The following CRYGD variants were observed in gnomAD, a reference collection of about 807,000 sequenced individuals.
CRYGD encodes the protein gamma-crystallin D.
CRYGD carries 13 observed loss-of-function variants against 11.3 expected under a neutral mutation model. The observed-to-expected ratio is 1.15, with a 90% CI of 0.75 to 1.83. CRYGD has a LOEUF of 1.83. Among genes scored for constraint, CRYGD ranks in the 40% most tolerant of loss-of-function variants. CRYGD has a pLI of 0.00. For synonymous variants in CRYGD, 77 were observed against 89.5 expected, an observed-to-expected ratio of 0.86 and a Z score of 0.79; for missense variants, 231 against 229.9, an observed-to-expected ratio of 1.00 and a Z score of -0.03.
At position 208,121,797 on chromosome 2, in the gene CRYGD, T is replaced by A; in HGVS notation, c.401A>T (p.Tyr134Phe). Residue 134 changes from tyrosine (Y) to phenylalanine (F), a missense_variant, in exon 3 of 3, where the codon TAC becomes TTC. Transcript: ENST00000264376. ...CCGTCCTCGGTAGTTGGACAGCTCGTAGAGGACCCAGGAGCCCTCCAGCAC... is the reference window on the plus strand; with the variant it reads ...CCGTCCTCGGTAGTTGGACAGCTCGAAGAGGACCCAGGAGCCCTCCAGCAC... ...LNVLEGSWVLYELSNYRGRQY... is the reference protein window; with the variant it reads ...LNVLEGSWVLFELSNYRGRQY... The A allele has an allele frequency of 6.2e-7, 1 of 1,614,156 alleles. No individual in the cohort carries two copies. The highest frequency in any genetic ancestry group is 8.5e-7 in the Non-Finnish European group (1 of 1,180,026).
At chr2:208,123,981 A>C (rs1694922852) in intron 2 of CRYGD, 131 bp downstream of exon 2, 1 of 1,361,872 alleles carries the variant, frequency 7.3e-7, no homozygotes, top group Non-Finnish European at 1.0e-6. Flanking sequence ...TATTGACTTA[A>C]TCCACTATAG....
chr2:208,124,521 G>C lies in CRYGD; in HGVS notation c.-48C>G. The stretch of plus-strand genomic sequence containing the variant: ...GCTGAGCTGGTGGGGCGGCGGCGCT[G>C]AGCGGGTGGGGCTGCGGCGCGGCGG... On this transcript the variant is annotated 5_prime_UTR_variant, in exon 1 of 3. Transcript: ENST00000264376. The C allele has an allele frequency of 6.5e-7, 1 of 1,543,806 alleles. No homozygotes were observed.
chr2:208,123,994 C>T, intron 2 of CRYGD, 118 bp downstream of exon 2: 10 of 1,452,090 alleles, frequency 6.9e-6, no homozygotes, highest in Non-Finnish European at 9.5e-6. Flanking sequence ...CACTATAGTT[C>T]ATCTTTTGTC....
At position 208,121,854 on chromosome 2, in the gene CRYGD, C is replaced by T. The variant is rs774950923; in HGVS notation, c.344G>A (p.Arg115His). The T allele has an allele frequency of 2.5e-5, 41 of 1,614,042 alleles. No homozygotes were observed. Among genetic ancestry groups the T allele is most frequent in the African/African-American group, 8.0e-5 (6 of 74,914 alleles). ...FTEDCSCLQD[R>H]FRFNEIHSLN... The stretch of plus-strand genomic sequence containing the variant: ...GGAGTGGATTTCATTGAAGCGGAAG[C>T]GGTCCTGAAGACAGGAGCAGTCCTC... The change falls in exon 3 of 3, where the codon CGC becomes CAC. Residue 115 changes from arginine (R) to histidine (H), a missense_variant. Physicochemically the swap from Arg to His is conservative, Grantham distance 29. Coordinates refer to ENST00000264376, the MANE Select transcript of CRYGD (RefSeq NM_006891.4).
intron 2 of CRYGD, among the ~76,000 whole-genome samples, chr2:208,122,498 ATATT>A (rs895223206): frequency 1.8e-4 from 27 of 148,078 alleles, no homozygotes; most frequent in Admixed American, 1.8e-3. Context: ...AATTAAAATT[ATATT>A]TATTTTACAA....
In CRYGD at chr2:208,124,016, A is replaced by G. The variant is rs180754881; in HGVS notation, c.252+96T>C. 3 of 1,566,058 alleles carry G rather than the reference A, an allele frequency of 1.9e-6. No homozygotes were observed. The East Asian group carries it at 6.8e-5, about 35-fold the overall frequency. ...GTTCATCTTTTGTCCACTCTCAGTTATTGTGACTGATCACTACTTCTAATG... is the reference window on the plus strand; with the variant it reads ...GTTCATCTTTTGTCCACTCTCAGTTGTTGTGACTGATCACTACTTCTAATG... On this transcript the variant is annotated intron_variant, in intron 2 of 2. Transcript: ENST00000264376.
At position 208,124,234 on chromosome 2, in the gene CRYGD, T is replaced by G. The variant is rs61731517; in HGVS notation, c.130A>C (p.Met44Leu). Residue 44 changes from methionine (M) to leucine (L), a missense_variant, in exon 2 of 3, where the codon ATG becomes CTG. Physicochemically the swap from Met to Leu is conservative, Grantham distance 15. Coordinates refer to ENST00000264376, the MANE Select transcript of CRYGD (RefSeq NM_006891.4). ...GAGTAGTTGGGCTGCTCATAGAGCA[T>G]CCAGCAGCCGCTGTCCACGCGCGCC... ...NSARVDSGCWMLYEQPNYSGL... is the reference protein window; with the variant it reads ...NSARVDSGCWLLYEQPNYSGL... 1 of 1,611,176 alleles carries G rather than the reference T, an allele frequency of 6.2e-7. No individual in the cohort carries two copies. The highest frequency in any genetic ancestry group is 1.7e-5 in the Admixed American group (1 of 59,914).
Position 208,124,366 on chromosome 2 carries a change from G to A in CRYGD, c.10-12C>T. 1 of 1,610,996 alleles carries A rather than the reference G, an allele frequency of 6.2e-7. No homozygotes were observed. The highest frequency in any genetic ancestry group is 8.5e-7 in the Non-Finnish European group (1 of 1,179,178). On this transcript the variant is annotated splice_polypyrimidine_tract_variant and intron_variant, in intron 1 of 2. Transcript: ENST00000264376. ...TCGTAGAGGGTGATCTGCAAGGCAA[G>A]GCGGGACAAGGCGAGGTCTCACAGG...
Position 208,121,956 on chromosome 2 carries a change from C to G in CRYGD, c.253-11G>C. On this transcript the variant is annotated splice_polypyrimidine_tract_variant and intron_variant, in intron 2 of 2. Transcript: ENST00000264376. ...CCTGTGAGAGCCAGACTGGCGGACCCAGAAATAAAAAGAGAAGAAAAGCAA... is the reference window on the plus strand; with the variant it reads ...CCTGTGAGAGCCAGACTGGCGGACCGAGAAATAAAAAGAGAAGAAAAGCAA... The G allele has an allele frequency of 6.2e-7, 1 of 1,614,002 alleles. No homozygotes were observed. The highest frequency in any genetic ancestry group is 8.5e-7 in the Non-Finnish European group (1 of 1,180,038).
chr2:208,122,732 G>A (rs962875748), intron 2 of CRYGD, among the ~76,000 whole-genome samples: 2 of 150,572 alleles, frequency 1.3e-5, no homozygotes, highest in African/African-American at 2.4e-5. Flanking sequence ...GTGTGGTGGC[G>A]GGTGCCTGTA....
At chr2:208,122,151 T>C (rs1341991388) in intron 2 of CRYGD, among the ~76,000 whole-genome samples, 2 of 152,086 alleles carry the variant, frequency 1.3e-5, no homozygotes, top group Admixed American at 6.5e-5. Flanking sequence ...GGTGAAGAAA[T>C]TGAGAAGGAA....
chr2:208,123,875 A>C (rs1198181292), intron 2 of CRYGD, among the ~76,000 whole-genome samples: 1 of 152,214 alleles, frequency 6.6e-6, no homozygotes, highest in East Asian at 1.9e-4. Flanking sequence ...TACAACCCCT[A>C]GGGCAGGAGA....
Position 208,124,193 on chromosome 2 carries a change from G to T in CRYGD, c.171C>A (p.Phe57Leu). 6.2e-7 allele frequency: 1 copy of T among 1,611,952 alleles called. No individual in the cohort carries two copies. Among genetic ancestry groups the T allele is most frequent in the Non-Finnish European group, 8.5e-7 (1 of 1,179,948 alleles). The change falls in exon 2 of 3, where the codon TTC becomes TTA. Residue 57 changes from phenylalanine to leucine, a missense_variant. By Grantham distance (22) the Phe-to-Leu change is conservative. Coordinates refer to ENST00000264376, the MANE Select transcript of CRYGD (RefSeq NM_006891.4). ...GGTCGGCATAGTCGCCGCGGCGCAGGAAGTACTGGAGGCCCGAGTAGTTGG... is the reference window on the plus strand; with the variant it reads ...GGTCGGCATAGTCGCCGCGGCGCAGTAAGTACTGGAGGCCCGAGTAGTTGG... Reference protein sequence around the residue: ...EQPNYSGLQYFLRRGDYADHQ... With the variant: ...EQPNYSGLQYLLRRGDYADHQ...
rs754131383 is a variant in CRYGD at position 208,124,358 on chromosome 2, C to A, written c.10-4G>T. The A allele has an allele frequency of 1.6e-5, 25 of 1,611,536 alleles. No homozygotes were observed. The highest frequency in any genetic ancestry group is 1.9e-5 in the Non-Finnish European group (22 of 1,179,366). Reference sequence around the variant, plus strand: ...CCCGGTCCTCGTAGAGGGTGATCTGCAAGGCAAGGCGGGACAAGGCGAGGT... The same window carrying A: ...CCCGGTCCTCGTAGAGGGTGATCTGAAAGGCAAGGCGGGACAAGGCGAGGT... On this transcript the variant is annotated splice_polypyrimidine_tract_variant and splice_region_variant and intron_variant, in intron 1 of 2. Transcript: ENST00000264376.
intron 2 of CRYGD, among the ~76,000 whole-genome samples, chr2:208,122,884 A>G (rs10195891): frequency 0.91 from 136,433 of 149,516 alleles, 62,731 homozygotes; most frequent in Non-Finnish European, 0.95. Context: ...ATAAAATAAA[A>G]TAAAATAAAA....
intron 2 of CRYGD, among the ~76,000 whole-genome samples, chr2:208,123,412 CCTT>C (rs1694911764): frequency 6.9e-6 from 1 of 145,192 alleles, no homozygotes. Context: ...AATATATAAG[CCTT>C]CTATTCAAAA....
In CRYGD at chr2:208,124,167, T is replaced by G. The variant is rs1694930086; in HGVS notation, c.197A>C (p.His66Pro). The change falls in exon 2 of 3, where the codon CAC becomes CCC. Residue 66 changes from histidine (H) to proline (P), a missense_variant. His to Pro is a moderately conservative substitution (Grantham distance 77). Coordinates refer to ENST00000264376, the MANE Select transcript of CRYGD (RefSeq NM_006891.4). The part of the protein sequence containing the change: ...YFLRRGDYAD[H>P]QQWMGLSDSV... ...GTCGCTGAGGCCCATCCACTGCTGGTGGTCGGCATAGTCGCCGCGGCGCAG... is the reference window on the plus strand; with the variant it reads ...GTCGCTGAGGCCCATCCACTGCTGGGGGTCGGCATAGTCGCCGCGGCGCAG... 1 of 1,611,560 alleles carries G rather than the reference T, an allele frequency of 6.2e-7. No individual in the cohort carries two copies. Among genetic ancestry groups the G allele is most frequent in the Non-Finnish European group, 8.5e-7 (1 of 1,179,888 alleles).
intron 2 of CRYGD, among the ~76,000 whole-genome samples, chr2:208,122,879 A>G (rs892589918): frequency 3.3e-5 from 5 of 149,608 alleles, no homozygotes. Context: ...AAATAATAAA[A>G]TAAAATAAAA....
chr2:208,124,524 C>A lies in CRYGD; in HGVS notation c.-51G>T, dbSNP rs1438616042. On this transcript the variant is annotated 5_prime_UTR_variant, in exon 1 of 3. Coordinates refer to ENST00000264376, the MANE Select transcript of CRYGD (RefSeq NM_006891.4). ...GAGCTGGTGGGGCGGCGGCGCTGAGCGGGTGGGGCTGCGGCGCGGCGGGCT... is the reference window on the plus strand; with the variant it reads ...GAGCTGGTGGGGCGGCGGCGCTGAGAGGGTGGGGCTGCGGCGCGGCGGGCT... 1.3e-6 allele frequency: 2 copies of A among 1,537,138 alleles called. No homozygotes were observed. Among genetic ancestry groups the A allele is most frequent in the East Asian group, 2.4e-5 (1 of 41,458 alleles).
Sources: gnomAD v4.1 joint callset for allele counts (sites outside exome capture counted in the v4.1 genomes callset) on GRCh38, gnomAD v4.1.1 for gene constraint, MANE v1.5 for transcripts, NCBI Gene and HGNC (gene_info 2026-07-23, HGNC 2026-07-21) for gene names.